PKD1: variants seen among roughly 807,000 people sequenced by gnomAD.
PKD1 encodes the protein polycystin-1.
In PKD1, 81 loss-of-function variants were observed where a neutral mutation model predicts 361.7. The ratio of observed to expected loss-of-function variants is 0.22; its 90% confidence interval spans 0.19 to 0.27. The LOEUF is 0.27. Among genes scored for constraint, PKD1 ranks in the 10% least tolerant of loss-of-function variants. The pLI is 1.00. For missense variants in PKD1, 6,399 were observed against 6,118.3 expected (o/e 1.05, Z -1.53); for synonymous variants, 3,615 against 2,818.3 (o/e 1.28, Z -8.95).
rs754894660 is a variant in PKD1 at position 2,090,804 on chromosome 16, G to A, written c.12008C>T (p.Ala4003Val). Reference protein sequence around the residue: ...SLLFLLLVKAAQQLRFVRQWS... With the variant: ...SLLFLLLVKAVQQLRFVRQWS... Reference sequence around the variant, plus strand: ...CTGGCGCACGAAGCGTAGCTGCTGGGCAGCCTGCGGACGAGAAATCTGTCT... The same window carrying A: ...CTGGCGCACGAAGCGTAGCTGCTGGACAGCCTGCGGACGAGAAATCTGTCT... Residue 4003 changes from alanine (A) to valine (V), a missense_variant, in exon 44 of 46, where the codon GCC becomes GTC. Physicochemically the swap from Ala to Val is moderately conservative, Grantham distance 64. Coordinates refer to ENST00000262304, the MANE Select transcript of PKD1 (RefSeq NM_001009944.3). The A allele has an allele frequency of 1.1e-5, 17 of 1,612,260 alleles. No individual in the cohort carries two copies. The highest frequency in any genetic ancestry group is 5.5e-5 in the South Asian group (5 of 91,096).
In PKD1 at chr16:2,114,473, G is replaced by C. The variant is rs750466610; in HGVS notation, c.2550C>G (p.Asp850Glu). ...CCGTGGCCGTGGCGTTGGCACCAGA[G>C]TCCACCTGGAGCACCAAGGCTGAGC... Reference protein sequence around the residue: ...TNGSALVLQVDSGANATATAR... With the variant: ...TNGSALVLQVESGANATATAR... The change falls in exon 11 of 46, where the codon GAC (aspartate) becomes GAG (glutamate). Residue 850 changes from aspartate (D) to glutamate (E), a missense_variant. Coordinates refer to ENST00000262304, the MANE Select transcript of PKD1 (RefSeq NM_001009944.3). 9.4e-6 allele frequency: 15 copies of C among 1,596,982 alleles called. No individual in the cohort carries two copies. In the African/African-American group the frequency reaches 1.6e-4, roughly 17 times the overall value.
chr16:2,093,476 C>A, intron 37 of PKD1, 68 bp downstream of exon 37: 2 of 1,407,692 alleles, frequency 1.4e-6, no homozygotes, highest in South Asian at 1.2e-5. Context: ...GAGTGTCCTG[C>A]GTGCATGGGT....
intron 1 of PKD1, among the ~76,000 whole-genome samples, chr16:2,128,921 T>C (rs998793607): frequency 6.6e-6 from 1 of 151,910 alleles, no homozygotes; most frequent in Non-Finnish European, 1.5e-5. Context: ...TAGAGTGCAG[T>C]GGTGTGATAT....
In PKD1 at chr16:2,107,888, G is replaced by C; in HGVS notation, c.7060C>G (p.Gln2354Glu). ...GAGGGGCGGGCGGCACCCACCGTCT[G>C]GTTGGTGGCCTCCTCCTTGCGGCCG... ...KAGRKEEATNQTVLIRSGRVP... is the reference protein window; with the variant it reads ...KAGRKEEATNETVLIRSGRVP... The change falls in exon 16 of 46, where the codon CAG (glutamine) becomes GAG (glutamate). Residue 2354 changes from glutamine to glutamate, a missense_variant. Transcript: ENST00000262304. The C allele has an allele frequency of 1.3e-6, 2 of 1,544,286 alleles. No individual in the cohort carries two copies. Among genetic ancestry groups the C allele is most frequent in the Non-Finnish European group, 1.7e-6 (2 of 1,146,500 alleles).
Position 2,107,926 on chromosome 16 carries a change from G to C in PKD1, c.7022C>G (p.Thr2341Ser), listed in dbSNP as rs2092401191. The C allele has an allele frequency of 1.9e-6, 3 of 1,546,022 alleles. No homozygotes were observed. The African/African-American group carries it at 4.1e-5, about 21-fold the overall frequency. ...AAGVEYTFSL[T>S]VWKAGRKEEA... Reference sequence around the variant, plus strand: ...CTCCTTGCGGCCGGCCTTCCACACGGTCAGGCTGAAGGTGTACTCCACGCC... The same window carrying C: ...CTCCTTGCGGCCGGCCTTCCACACGCTCAGGCTGAAGGTGTACTCCACGCC... The change falls in exon 16 of 46, where the codon ACC becomes AGC. Residue 2341 changes from threonine to serine, a missense_variant. Coordinates refer to ENST00000262304, the MANE Select transcript of PKD1 (RefSeq NM_001009944.3).
In PKD1 at chr16:2,110,472, G is replaced by A. The variant is rs781264169; in HGVS notation, c.4695C>T (p.Ser1565=). Residue 1565 remains serine, a synonymous_variant, in exon 15 of 46, where the codon AGC becomes AGT. Coordinates refer to ENST00000262304, the MANE Select transcript of PKD1 (RefSeq NM_001009944.3). The part of the protein sequence containing the change: ...ASRTVVPLNG[S]VSFSTSLEAG... ...CCTCCAGCGACGTGCTGAAGCTCAC[G>A]CTCCCATTCAGGGGCACCACCGTGC... 101 of 1,612,312 alleles carry A rather than the reference G, an allele frequency of 6.3e-5. No individual in the cohort carries two copies. The East Asian group carries it at 1.7e-3, about 28-fold the overall frequency.
rs1384441381 is a variant in PKD1, at chr16:2,091,187, C to T, written c.11713-13G>A. On this transcript the variant is annotated splice_polypyrimidine_tract_variant and intron_variant, in intron 42 of 45. Transcript: ENST00000262304. ...GCAGCAGGCACACCTGTGGGGGGCG[C>T]GGTCAGGAGGGCGGGAGGGACGCTG... 3.4e-6 allele frequency: 4 copies of T among 1,188,204 alleles called. No homozygotes were observed. The highest frequency in any genetic ancestry group is 4.2e-6 in the Non-Finnish European group (4 of 961,450). 73.6% of individuals were successfully genotyped at this position (1,188,204 alleles called of 1,614,324 possible).
rs1430979320 is a variant in PKD1 at position 2,106,601 on chromosome 16, A to G, written c.7286T>C (p.Met2429Thr). 3.8e-6 allele frequency: 6 copies of G among 1,598,636 alleles called. No individual in the cohort carries two copies. Among genetic ancestry groups the G allele is most frequent in the South Asian group, 3.3e-5 (3 of 90,866 alleles). The change falls in exon 18 of 46, where the codon ATG (methionine) becomes ACG (threonine). Residue 2429 changes from methionine to threonine, a missense_variant. Physicochemically the swap from Met to Thr is moderately conservative, Grantham distance 81 (BLOSUM62 -1). Coordinates refer to ENST00000262304, the MANE Select transcript of PKD1 (RefSeq NM_001009944.3). The surrounding 1 kb of genome is among the most constrained non-coding windows in gnomAD (Gnocchi z 6.5). ...ETTTSTGSAGMRLVLRRGVLR... is the reference protein window; with the variant it reads ...ETTTSTGSAGTRLVLRRGVLR... ...CACGCCCCGCCGCAGCACCAGTCGC[A>G]TGCCTGCACTGCCCGTGGATGTGGT...
chr16:2,111,040 A>G lies in PKD1; in HGVS notation c.4127T>C (p.Val1376Ala), dbSNP rs753120006. 6.2e-7 allele frequency: 1 copy of G among 1,610,672 alleles called. No individual in the cohort carries two copies. The highest frequency in any genetic ancestry group is 1.1e-5 in the South Asian group (1 of 90,986). The change falls in exon 15 of 46, where the codon GTG becomes GCG. Residue 1376 changes from valine (V) to alanine (A), a missense_variant. Physicochemically the swap from Val to Ala is moderately conservative, Grantham distance 64 (BLOSUM62 0). Coordinates refer to ENST00000262304, the MANE Select transcript of PKD1 (RefSeq NM_001009944.3). ...GGTGACGTTGCCCACCTCTGGCTCC[A>G]CGCAGATGCTGGTGAAGTAATGCGC... Reference protein sequence around the residue: ...NRAHYFTSICVEPEVGNVTLQ... With the variant: ...NRAHYFTSICAEPEVGNVTLQ...
rs542108813 is a variant in PKD1 at position 2,107,899 on chromosome 16, T to A, written c.7049A>T (p.Glu2350Val). The A allele has an allele frequency of 1.9e-6, 3 of 1,544,646 alleles. No individual in the cohort carries two copies. The highest frequency in any genetic ancestry group is 2.6e-6 in the Non-Finnish European group (3 of 1,146,572). Residue 2350 changes from glutamate to valine, a missense_variant, in exon 16 of 46, where the codon GAG becomes GTG. By Grantham distance (121) the Glu-to-Val change is moderately radical. Coordinates refer to ENST00000262304, the MANE Select transcript of PKD1 (RefSeq NM_001009944.3). ...GGCACCCACCGTCTGGTTGGTGGCC[T>A]CCTCCTTGCGGCCGGCCTTCCACAC... Reference protein sequence around the residue: ...LTVWKAGRKEEATNQTVLIRS... With the variant: ...LTVWKAGRKEVATNQTVLIRS...
chr16:2,089,469 A>ATT lies in PKD1; in HGVS notation c.*256_*257dup. ...TGTACCTGAGGACTCGGGGAAATAA[A>ATT]TTAGCATCTCAGAGGCTAGAAACCG... On this transcript the variant is annotated 3_prime_UTR_variant, in exon 46 of 46. Transcript: ENST00000262304. 2 of 553,788 alleles carry ATT rather than the reference A, an allele frequency of 3.6e-6. No individual in the cohort carries two copies. The highest frequency in any genetic ancestry group is 6.4e-6 in the Non-Finnish European group (2 of 310,330). The allele number at this position is 553,788 out of a possible 1,614,324, so 34.3% of individuals were successfully genotyped here.
In PKD1 at chr16:2,091,513, CG is replaced by C. The variant is rs2151695543; in HGVS notation, c.11621del (p.Pro3874ArgfsTer71). On this transcript the variant is annotated frameshift_variant, in exon 42 of 46. Coordinates refer to ENST00000262304, the MANE Select transcript of PKD1 (RefSeq NM_001009944.3). LOFTEE classifies it high-confidence loss of function. ...GGGCGGCCAGGGCGCGGCCGGCCGC[CG>C]GGAACTCGAGGCGCAGCGTGACGGC... ...HAAVTLRLEF[P>X]AAGRALAALS... The C allele has an allele frequency of 6.9e-7, 1 of 1,454,504 alleles. No individual in the cohort carries two copies. 90.1% of individuals were successfully genotyped at this position (1,454,504 alleles called of 1,614,324 possible).
intron 41 of PKD1, 79 bp from the exon 42 acceptor site, chr16:2,091,676 G>GGGGCTGTGGAAGCC (rs1259984322): frequency 5.4e-5 from 84 of 1,563,276 alleles, no homozygotes; most frequent in Non-Finnish European, 7.1e-5. Flanking sequence ...GCGTGGCTGA[G>GGGGCTGTGGAAGCC]GGGCTGTGGA....
intron 1 of PKD1, among the ~76,000 whole-genome samples, chr16:2,132,468 G>A (rs887013822): frequency 3.3e-5 from 5 of 150,494 alleles, no homozygotes; most frequent in Admixed American, 1.3e-4. Context: ...CCAGGTACTC[G>A]GGAGGCTGAG....
rs979309084 is a variant in PKD1 at position 2,118,254 on chromosome 16, G to C, written c.738C>G (p.Ser246=). 3.9e-6 allele frequency: 6 copies of C among 1,532,956 alleles called. No individual in the cohort carries two copies. The African/African-American group carries it at 8.2e-5, about 21-fold the overall frequency. The allele number at this position is 1,532,956 out of a possible 1,614,324, so 95.0% of individuals were successfully genotyped here. The change falls in exon 5 of 46, where the codon TCC becomes TCG. Residue 246 remains serine, a synonymous_variant. Coordinates refer to ENST00000262304, the MANE Select transcript of PKD1 (RefSeq NM_001009944.3). This position sits in a 1 kb window ranked among gnomAD's most constrained non-coding sequence, Gnocchi z 6.0. ...QPSSASFACL[S]LCSGPPPPPA... ...GAGGTGGCGGGGGGCCGGAGCAGAGGGACAGGCAGGCAAAGGAGGCACTGG... is the reference window on the plus strand; with the variant it reads ...GAGGTGGCGGGGGGCCGGAGCAGAGCGACAGGCAGGCAAAGGAGGCACTGG...
chr16:2,113,290 C>T lies in PKD1; in HGVS notation c.2856G>A (p.Arg952=), dbSNP rs1257260368. Residue 952 remains arginine, a splice_region_variant and synonymous_variant, in exon 12 of 46, where the codon AGG becomes AGA. Coordinates refer to ENST00000262304, the MANE Select transcript of PKD1 (RefSeq NM_001009944.3). ...EARVLQGVLV[R]YSPVVEAGSD... ...AGCCGGCCTCCACCACGGGGCTGTA[C>T]CTCTGCGGGGGGAATGGTGTCAGCC... is the stretch of plus-strand genomic sequence containing the variant. 2 of 1,595,234 alleles carry T rather than the reference C, an allele frequency of 1.3e-6. No homozygotes were observed. The highest frequency in any genetic ancestry group is 1.7e-6 in the Non-Finnish European group (2 of 1,179,254).
At chr16:2,094,860 T>A (rs773744659) in intron 34 of PKD1, 1 of 153,062 alleles carries the variant, frequency 6.5e-6, no homozygotes, top group Non-Finnish European at 1.5e-5. Context: ...AGACGCCGAG[T>A]CCCGGGCTCT....
intron 30 of PKD1, chr16:2,098,816 TTTTC>T (rs1247034121): frequency 2.9e-5 from 4 of 139,916 alleles, no homozygotes; most frequent in Admixed American, 6.9e-5. Flanking sequence ...GAGCCTGAGC[TTTTC>T]TTTGTGGGAT....
chr16:2,095,998 C>G (rs914982554), intron 34 of PKD1, among the ~76,000 whole-genome samples: 1 of 152,180 alleles, frequency 6.6e-6, no homozygotes, highest in African/African-American at 2.4e-5. Context: ...GGAAGTTTTC[C>G]TTTTTGTTTG....
Sources: gnomAD v4.1 joint callset for allele counts (sites outside exome capture counted in the v4.1 genomes callset) on GRCh38, gnomAD v4.1.1 for gene constraint, Gnocchi (gnomAD v3.1) non-coding constraint, MANE v1.5 for transcripts, NCBI Gene and HGNC (gene_info 2026-07-23, HGNC 2026-07-21) for gene names.